PPP3CC: variants seen among roughly 807,000 people sequenced by gnomAD.
The protein encoded by PPP3CC is serine/threonine-protein phosphatase 2B catalytic subunit gamma isoform.
Under a neutral mutation model 60.3 loss-of-function variants are expected in PPP3CC, and 35 were observed. That is an observed-to-expected ratio of 0.58 (90% CI 0.44 to 0.77). The LOEUF (loss-of-function observed/expected upper bound fraction) is 0.77, where lower values mean the gene tolerates loss of function less well. Among genes scored for constraint, PPP3CC ranks in the 30% least tolerant of loss-of-function variants. The pLI is 0.00. For missense variants in PPP3CC, 570 were observed against 628.9 expected (o/e 0.91, Z 1.00); for synonymous variants, 206 against 224.3 (o/e 0.92, Z 0.73).
chr8:22,487,332 A>G (rs1011483878), intron 3 of PPP3CC, among the ~76,000 whole-genome samples: 1 of 152,154 alleles, frequency 6.6e-6, no homozygotes, highest in Admixed American at 6.5e-5. Context: ...TGTACCTATT[A>G]CAAAATGCTG....
intron 1 of PPP3CC, among the ~76,000 whole-genome samples, chr8:22,468,859 A>G (rs773436808): frequency 2.0e-5 from 3 of 152,120 alleles, no homozygotes; most frequent in Non-Finnish European, 2.9e-5. Context: ...GTCACTCCCC[A>G]CCAGTAGGTG....
chr8:22,466,344 A>G (rs1292358261), intron 1 of PPP3CC, among the ~76,000 whole-genome samples: 1 of 152,218 alleles, frequency 6.6e-6, no homozygotes, highest in East Asian at 1.9e-4. Context: ...TCCTTTGAGT[A>G]TATGCCTAGT....
At chr8:22,516,558 T>A (rs1330107224) in intron 6 of PPP3CC, among the ~76,000 whole-genome samples, 2 of 152,210 alleles carry the variant, frequency 1.3e-5, no homozygotes, top group African/African-American at 4.8e-5. Flanking sequence ...AATCAGTACT[T>A]ACAGAGGTTT....
chr8:22,486,682 T>TA (rs947743556), intron 3 of PPP3CC, among the ~76,000 whole-genome samples: 3 of 151,834 alleles, frequency 2.0e-5, no homozygotes, highest in Non-Finnish European at 4.4e-5. Flanking sequence ...GTTGAACTAG[T>TA]ACACCAAACC....
In PPP3CC at chr8:22,443,962, A is replaced by C. The variant is rs181619702; in HGVS notation, c.49+2504A>C. ...TTTTTCAGAGGTGATACCACACCCC[A>C]GCTATTTTTGTTTCTGTCATTTCCT... On this transcript the variant is annotated intron_variant, in intron 1 of 13. Coordinates refer to ENST00000240139, the MANE Select transcript of PPP3CC (RefSeq NM_005605.5). Among the ~76,000 whole-genome samples the C allele has an allele frequency of 3.3e-5, 5 of 152,360 alleles. No individual in the cohort carries two copies. The East Asian group carries it at 5.8e-4, about 18-fold the overall frequency.
intron 4 of PPP3CC, among the ~76,000 whole-genome samples, chr8:22,501,479 A>G (rs910167324): frequency 2.0e-5 from 3 of 152,198 alleles, no homozygotes; most frequent in Non-Finnish European, 4.4e-5. Context: ...GTCTTTATCC[A>G]AGGTCACTTG....
At chr8:22,441,492 G>T in intron 1 of PPP3CC, 34 bp downstream of exon 1, 1 of 1,515,104 alleles carries the variant, frequency 6.6e-7, no homozygotes. Context: ...TCTGGGACCC[G>T]CGGGAAACGG....
chr8:22,499,807 G>C (rs1451186881), intron 4 of PPP3CC, among the ~76,000 whole-genome samples: 1 of 152,122 alleles, frequency 6.6e-6, no homozygotes, highest in African/African-American at 2.4e-5. Flanking sequence ...TTCTCCTCTA[G>C]TTGCTTTTCT....
chr8:22,475,115 G>C lies in PPP3CC; in HGVS notation c.211G>C (p.Glu71Gln). The C allele has an allele frequency of 6.2e-7, 1 of 1,613,194 alleles. No homozygotes were observed. The highest frequency in any genetic ancestry group is 8.5e-7 in the Non-Finnish European group (1 of 1,179,402). Residue 71 changes from glutamate (E) to glutamine (Q), a missense_variant, in exon 2 of 14, where the codon GAG (glutamate) becomes CAG (glutamine). Transcript: ENST00000240139. ...TGATGGGGCTGCCATCCTGAGGCAA[G>C]AGAAGACTATGATAGAAGTAGATGC... is the stretch of plus-strand genomic sequence containing the variant. The part of the protein sequence containing the change: ...INDGAAILRQ[E>Q]KTMIEVDAPI...
chr8:22,511,384 G>C (rs1839083316), intron 5 of PPP3CC, among the ~76,000 whole-genome samples, 153 bp downstream of exon 5: 1 of 152,116 alleles, frequency 6.6e-6, no homozygotes, highest in African/African-American at 2.4e-5. Flanking sequence ...CCGCCTCCCT[G>C]GTTCAGCCTC....
In PPP3CC at chr8:22,532,160, T is replaced by A. The variant is rs137874383; in HGVS notation, c.1142-65T>A. 1.5e-4 allele frequency: 183 copies of A among 1,213,272 alleles called. 1 individual carries two copies. In the African/African-American group the frequency reaches 2.3e-3, roughly 15 times the overall value. The allele number at this position is 1,213,272 out of a possible 1,614,324, so 75.2% of individuals were successfully genotyped here. On this transcript the variant is annotated intron_variant, in intron 10 of 13. Transcript: ENST00000240139. ...TTCTTTAACTTAAGACACTTCATCC[T>A]GAATTTTTTAAAGGCAGCCTATTAA...
At chr8:22,487,345 T>A (rs1341523528) in intron 3 of PPP3CC, among the ~76,000 whole-genome samples, 1 of 152,174 alleles carries the variant, frequency 6.6e-6, no homozygotes, top group African/African-American at 2.4e-5. Context: ...AAATGCTGGC[T>A]GGGCGCCCTG....
At chr8:22,455,632 A>G (rs1228486676) in intron 1 of PPP3CC, among the ~76,000 whole-genome samples, 1 of 152,218 alleles carries the variant, frequency 6.6e-6, no homozygotes. Flanking sequence ...TATGGAAAAC[A>G]TATGCCACTA....
intron 1 of PPP3CC, among the ~76,000 whole-genome samples, chr8:22,462,196 T>C (rs1224642470): frequency 6.6e-6 from 1 of 152,036 alleles, no homozygotes; most frequent in Admixed American, 6.6e-5. Context: ...TGAGCTATGA[T>C]CATGCCACTG....
chr8:22,524,999 A>C (rs1839500411), intron 8 of PPP3CC, among the ~76,000 whole-genome samples: 1 of 152,110 alleles, frequency 6.6e-6, no homozygotes, highest in South Asian at 2.1e-4. Context: ...AAAAATTTAA[A>C]AGTTAGCCAG....
rs570030416 is a variant in PPP3CC, at chr8:22,504,411, C to A, written c.484+6299C>A. 1.0e-3 allele frequency among the ~76,000 whole-genome samples: 158 copies of A among 152,232 alleles called. 3 individuals are homozygous for A. The Middle Eastern group carries it at 0.017, about 16-fold the overall frequency. On this transcript the variant is annotated intron_variant, in intron 4 of 13. Coordinates refer to ENST00000240139, the MANE Select transcript of PPP3CC (RefSeq NM_005605.5). ...TGAACTCCTGGGCTTAAGTGATTCTCTTGCCTCAGCTTCCCGAGTAGCTGG... is the reference window on the plus strand; with the variant it reads ...TGAACTCCTGGGCTTAAGTGATTCTATTGCCTCAGCTTCCCGAGTAGCTGG...
chr8:22,522,408 AT>A lies in PPP3CC; in HGVS notation c.771-82del. The A allele has an allele frequency of 2.8e-6, 3 of 1,080,174 alleles. No homozygotes were observed. The East Asian group carries it at 7.6e-5, about 27-fold the overall frequency. 66.9% of individuals were successfully genotyped at this position (1,080,174 alleles called of 1,614,324 possible). On this transcript the variant is annotated intron_variant, in intron 6 of 13. Coordinates refer to ENST00000240139, the MANE Select transcript of PPP3CC (RefSeq NM_005605.5). ...TGTAGTTTTGAAACAAAATCAGCTA[AT>A]ATCACCTTGACTTTTCCCCATCTTC...
chr8:22,503,241 AC>A (rs1838813255), intron 4 of PPP3CC, among the ~76,000 whole-genome samples: 1 of 152,116 alleles, frequency 6.6e-6, no homozygotes, highest in Admixed American at 6.6e-5. Flanking sequence ...TCGTTTGGGA[AC>A]CACTTCACCA....
Position 22,464,735 on chromosome 8 carries a change from A to C in PPP3CC, c.50-10219A>C, listed in dbSNP as rs545006279. Reference sequence around the variant, plus strand: ...GATTCCAAGAGCCTTTTCAGTGTTTAGCACATAGACGTAGATAGTTGTAGT... The same window carrying C: ...GATTCCAAGAGCCTTTTCAGTGTTTCGCACATAGACGTAGATAGTTGTAGT... On this transcript the variant is annotated intron_variant, in intron 1 of 13. Coordinates refer to ENST00000240139, the MANE Select transcript of PPP3CC (RefSeq NM_005605.5). Among the ~76,000 whole-genome samples, 9 of 152,258 alleles carry C rather than the reference A, an allele frequency of 5.9e-5. No individual in the cohort carries two copies. The South Asian group carries it at 1.9e-3, about 32-fold the overall frequency.
Sources: gnomAD v4.1 joint callset for allele counts (sites outside exome capture counted in the v4.1 genomes callset) on GRCh38, gnomAD v4.1.1 for gene constraint, MANE v1.5 for transcripts, NCBI Gene and HGNC (gene_info 2026-07-23, HGNC 2026-07-21) for gene names.